The following ZFYVE9 variants were observed in gnomAD, a reference collection of about 807,000 sequenced individuals.
The protein encoded by ZFYVE9 is zinc finger FYVE-type containing 9, also known as zinc finger FYVE domain-containing protein 9.
Under a neutral mutation model 126.7 loss-of-function variants are expected in ZFYVE9, and 43 were observed. The ratio of observed to expected loss-of-function variants is 0.34; its 90% CI spans 0.27 to 0.44. The LOEUF is 0.44. Among genes scored for constraint, ZFYVE9 ranks in the 20% least tolerant of loss-of-function variants. The pLI, the probability that ZFYVE9 is intolerant of heterozygous loss-of-function variation, is 1.00. For synonymous variants in ZFYVE9, 521 were observed against 597.4 expected (o/e 0.87, Z 1.87); for missense variants, 1,476 against 1,697.0 (o/e 0.87, Z 2.29).
intron 1 of ZFYVE9, among the ~76,000 whole-genome samples, chr1:52,143,336 GCTA>G (rs1409354545): frequency 6.6e-6 from 1 of 152,168 alleles, no homozygotes; most frequent in Non-Finnish European, 1.5e-5. Context: ...TGTTGAAAAT[GCTA>G]CTGATTACAG....
At chr1:52,264,682 G>A (rs545861875) in intron 5 of ZFYVE9, among the ~76,000 whole-genome samples, 1 of 152,320 alleles carries the variant, frequency 6.6e-6, no homozygotes, top group East Asian at 1.9e-4. Context: ...TGCCAGGATA[G>A]TGTGCCTCCT....
At chr1:52,291,459 T>C (rs1247718464) in intron 10 of ZFYVE9, among the ~76,000 whole-genome samples, 1 of 152,226 alleles carries the variant, frequency 6.6e-6, no homozygotes, top group East Asian at 1.9e-4. Context: ...GTTCCATCAT[T>C]GAGCAGCTCT....
intron 1 of ZFYVE9, among the ~76,000 whole-genome samples, chr1:52,212,430 G>A (rs531528215): frequency 6.6e-6 from 1 of 152,328 alleles, no homozygotes; most frequent in South Asian, 2.1e-4. Context: ...TAAGGTGTGA[G>A]CCACTGCACC....
intron 13 of ZFYVE9, among the ~76,000 whole-genome samples, chr1:52,329,642 A>G (rs1270920215): frequency 1.3e-5 from 2 of 152,230 alleles, no homozygotes; most frequent in Admixed American, 6.5e-5. Context: ...GCGGTGGCAC[A>G]TGCCTATAAT....
chr1:52,304,820 A>T (rs544335635), intron 13 of ZFYVE9, among the ~76,000 whole-genome samples: 1 of 152,164 alleles, frequency 6.6e-6, no homozygotes, highest in East Asian at 1.9e-4. Flanking sequence ...GATATTAGAA[A>T]ATAGTAGCTA....
At chr1:52,320,236 AATTTTGT>A (rs2147858286) in intron 13 of ZFYVE9, among the ~76,000 whole-genome samples, 1 of 151,462 alleles carries the variant, frequency 6.6e-6, no homozygotes, top group Admixed American at 6.6e-5. Context: ...ACGCCCAGCT[AATTTTGT>A]ATTTTTAGTA....
Position 52,233,159 on chromosome 1 carries a change from T to C in ZFYVE9, c.-36-12T>C. ...TTAATAATTCAAAATGTAATACGCA[T>C]TTACTTTTTAGGTTTAAACAAGTCT... On this transcript the variant is annotated splice_polypyrimidine_tract_variant and intron_variant, in intron 2 of 18. Transcript: ENST00000287727. The C allele has an allele frequency of 7.7e-7, 1 of 1,290,720 alleles. No individual in the cohort carries two copies. The highest frequency in any genetic ancestry group is 1.1e-6 in the Non-Finnish European group (1 of 947,330). 80.0% of individuals were successfully genotyped at this position (1,290,720 alleles called of 1,614,324 possible). A position where few individuals can be genotyped will look rare whatever the true frequency, so the allele number is the denominator to read the frequency against.
chr1:52,172,931 A>G (rs910155823), intron 1 of ZFYVE9, among the ~76,000 whole-genome samples: 1 of 152,104 alleles, frequency 6.6e-6, no homozygotes, highest in Non-Finnish European at 1.5e-5. Context: ...TAGATATACA[A>G]TCATGTCATC....
chr1:52,154,050 A>G (rs1644380051), intron 1 of ZFYVE9, among the ~76,000 whole-genome samples: 1 of 152,256 alleles, frequency 6.6e-6, no homozygotes, highest in Admixed American at 6.5e-5. Flanking sequence ...TGTTATGGAT[A>G]TAACTACTGG....
Position 52,337,849 on chromosome 1 carries a change from A to G in ZFYVE9, c.3748A>G (p.Ile1250Val). 6.2e-7 allele frequency: 1 copy of G among 1,614,278 alleles called. No homozygotes were observed. The highest frequency in any genetic ancestry group is 1.1e-5 in the South Asian group (1 of 91,086). Residue 1250 changes from isoleucine to valine, a missense_variant, in exon 16 of 19, where the codon ATC (isoleucine) becomes GTC (valine). Around this residue, in one of 2 missense-constraint regions of ZFYVE9, gnomAD observed 669 missense variants for 902.4 expected, o/e 0.74. Transcript: ENST00000287727. ...QALREMKDFT[I>V]TCGKADAEEP... ...ACTGCGAGAGATGAAGGACTTCACC[A>G]TCACCTGTGGGAAGGCGGACGCGGA...
At chr1:52,189,079 A>G (rs921100096) in intron 1 of ZFYVE9, among the ~76,000 whole-genome samples, 2 of 151,808 alleles carry the variant, frequency 1.3e-5, no homozygotes, top group Non-Finnish European at 2.9e-5. Flanking sequence ...GTGGGATTAC[A>G]GGCACCTACC....
Position 52,274,597 on chromosome 1 carries a change from C to T in ZFYVE9, c.2746+13C>T. 6.3e-7 allele frequency: 1 copy of T among 1,591,532 alleles called. No homozygotes were observed. Among genetic ancestry groups the T allele is most frequent in the Non-Finnish European group, 8.6e-7 (1 of 1,164,548 alleles). ...GGTGTAAAAGGAGGTAAGTGGACTA[C>T]ATATTTAAACAGTGATAGTTCTATC... On this transcript the variant is annotated intron_variant, in intron 8 of 18. Transcript: ENST00000287727.
intron 4 of ZFYVE9, among the ~76,000 whole-genome samples, chr1:52,247,415 G>A (rs1645397269): frequency 1.3e-5 from 2 of 152,118 alleles, no homozygotes; most frequent in Non-Finnish European, 2.9e-5. Context: ...ATTTACCAGT[G>A]TATATGGGTT....
At chr1:52,222,765 C>CGGGTG (rs1411945917) in intron 2 of ZFYVE9, among the ~76,000 whole-genome samples, 2 of 152,180 alleles carry the variant, frequency 1.3e-5, no homozygotes, top group African/African-American at 2.4e-5. Flanking sequence ...GACCATATGT[C>CGGGTG]GGGATGGATT....
At chr1:52,273,044 G>T (rs1447475575) in intron 7 of ZFYVE9, among the ~76,000 whole-genome samples, 1 of 151,866 alleles carries the variant, frequency 6.6e-6, no homozygotes, top group Non-Finnish European at 1.5e-5. Context: ...TTTTGTTCTT[G>T]TTGCCCAGGC....
At chr1:52,311,901 C>A (rs1266078302) in intron 13 of ZFYVE9, among the ~76,000 whole-genome samples, 1 of 152,038 alleles carries the variant, frequency 6.6e-6, no homozygotes, top group Non-Finnish European at 1.5e-5. Context: ...AGCAGTTCTC[C>A]TGCCTCAGCC....
chr1:52,156,474 T>G (rs1359950774), intron 1 of ZFYVE9, among the ~76,000 whole-genome samples: 2 of 152,188 alleles, frequency 1.3e-5, no homozygotes, highest in African/African-American at 4.8e-5. Flanking sequence ...TTGGTTTTGA[T>G]TTACACCCAG....
At chr1:52,308,637 TC>T (rs1646108568) in intron 13 of ZFYVE9, among the ~76,000 whole-genome samples, 1 of 152,206 alleles carries the variant, frequency 6.6e-6, no homozygotes, top group Non-Finnish European at 1.5e-5. Context: ...GATTCATACT[TC>T]CCCTACTCTT....
chr1:52,192,737 GA>G, intron 1 of ZFYVE9, among the ~76,000 whole-genome samples: 1 of 92,006 alleles, frequency 1.1e-5, no homozygotes, highest in Admixed American at 1.0e-4. Flanking sequence ...CATCATAACA[GA>G]AAAAAATGGA....
Sources: allele counts gnomAD v4.1 joint callset (sites outside exome capture counted in the v4.1 genomes callset), GRCh38; gene constraint gnomAD v4.1.1; regional missense constraint gnomAD v4.1.1; transcripts MANE v1.5; gene names NCBI Gene and HGNC (gene_info 2026-07-23, HGNC 2026-07-21).